The following CCDC7 variants were observed in gnomAD, a reference collection of about 807,000 sequenced individuals.
CCDC7 encodes the protein coiled-coil domain containing 7.
CCDC7 carries 183 observed loss-of-function variants against 196.9 expected under a neutral mutation model. That is an observed-to-expected ratio of 0.93 (90% CI 0.82 to 1.05). The LOEUF is 1.05. Among genes scored for constraint, CCDC7 ranks in the 50% least tolerant of loss-of-function variants. CCDC7 has a pLI of 0.00. For synonymous variants in CCDC7, 525 were observed against 484.6 expected, an observed-to-expected ratio of 1.08 and a Z score of -1.10; for missense variants, 1,540 against 1,482.2, an observed-to-expected ratio of 1.04 and a Z score of -0.64.
At chr10:32,836,272 T>A (rs188776943) in intron 33 of CCDC7, among the ~76,000 whole-genome samples, 104 of 152,186 alleles carry the variant, frequency 6.8e-4, no homozygotes, top group African/African-American at 2.2e-3. Context: ...AATATTAGAA[T>A]CTTCTTGTTG....
At chr10:32,583,336 GTTTA>G (rs2058923908) in intron 17 of CCDC7, 29 bp downstream of exon 18, 5 of 1,192,208 alleles carry the variant, frequency 4.2e-6, no homozygotes, top group Non-Finnish European at 4.2e-6. Context: ...CTTGAAAGCT[GTTTA>G]TTTCATATTG....
chr10:32,646,489 A>G (rs566808937), intron 20 of CCDC7, among the ~76,000 whole-genome samples: 1 of 152,258 alleles, frequency 6.6e-6, no homozygotes, highest in African/African-American at 2.4e-5. Flanking sequence ...AAGAATGTAT[A>G]TTCTCTAGCT....
intron 20 of CCDC7, among the ~76,000 whole-genome samples, chr10:32,650,976 G>A (rs575332917): frequency 1.2e-4 from 19 of 152,320 alleles, no homozygotes; most frequent in African/African-American, 4.6e-4. Flanking sequence ...GTCCCACAGA[G>A]AAGCACAACC....
chr10:32,616,242 T>A (rs1389492284), intron 18 of CCDC7, among the ~76,000 whole-genome samples: 1 of 152,086 alleles, frequency 6.6e-6, no homozygotes, highest in South Asian at 2.1e-4. Context: ...TGCTGATTAC[T>A]TTGGGTAGTA....
intron 32 of CCDC7, among the ~76,000 whole-genome samples, chr10:32,828,001 T>G (rs2091405878): frequency 1.3e-5 from 2 of 152,174 alleles, no homozygotes; most frequent in Admixed American, 1.3e-4. Context: ...CTCTAAAGGC[T>G]GCTACCTGTG....
At chr10:32,469,389 G>A (rs1167919094) in intron 5 of CCDC7, among the ~76,000 whole-genome samples, 3 of 152,196 alleles carry the variant, frequency 2.0e-5, no homozygotes, top group South Asian at 2.1e-4. Flanking sequence ...TCCCAGCAAC[G>A]CAGGGCTAAG....
At chr10:32,678,018 G>A (rs2075299682) in intron 21 of CCDC7, among the ~76,000 whole-genome samples, 1 of 151,918 alleles carries the variant, frequency 6.6e-6, no homozygotes, top group South Asian at 2.1e-4. Flanking sequence ...AAATTTTTCA[G>A]TTTATCCATT....
chr10:32,868,653 G>C (rs900077578), intron 41 of CCDC7, among the ~76,000 whole-genome samples: 1 of 151,694 alleles, frequency 6.6e-6, no homozygotes, highest in Admixed American at 6.6e-5. Context: ...GTGCCATGTT[G>C]GTGTGCTGCA....
At chr10:32,638,808 C>G (rs2066154486) in intron 20 of CCDC7, among the ~76,000 whole-genome samples, 1 of 152,140 alleles carries the variant, frequency 6.6e-6, no homozygotes, top group African/African-American at 2.4e-5. Flanking sequence ...AGGAATGGTA[C>G]CAGCTTCTCC....
intron 9 of CCDC7, among the ~76,000 whole-genome samples, chr10:32,507,314 A>G (rs1245213346): frequency 6.6e-6 from 1 of 151,384 alleles, no homozygotes; most frequent in African/African-American, 2.4e-5. Context: ...AGTTTTTGTG[A>G]GTCTCTTGTG....
rs187055786 is a variant in CCDC7, at chr10:32,708,009, G to A, written c.2459-3611G>A. On this transcript the variant is annotated intron_variant, in intron 24 of 41. Coordinates refer to ENST00000639629, the Ensembl canonical transcript of CCDC7. Reference sequence around the variant, plus strand: ...ATGAAACCAAAAAAGAGCCCGCATCGCCGAGACAATCCTAAGTCAAAAGAA... The same window carrying A: ...ATGAAACCAAAAAAGAGCCCGCATCACCGAGACAATCCTAAGTCAAAAGAA... 3.2e-3 allele frequency among the ~76,000 whole-genome samples: 481 copies of A among 152,136 alleles called. 3 individuals carry two copies. Among genetic ancestry groups the A allele is most frequent in the South Asian group, 8.8e-3 (42 of 4,798 alleles).
At chr10:32,498,297 T>G (rs1189617274) in intron 9 of CCDC7, among the ~76,000 whole-genome samples, 2 of 151,958 alleles carry the variant, frequency 1.3e-5, no homozygotes, top group Non-Finnish European at 2.9e-5. Context: ...GCATGTGAGA[T>G]GGTCTCCTGC....
intron 24 of CCDC7, among the ~76,000 whole-genome samples, chr10:32,708,228 T>C (rs1346652852): frequency 2.0e-5 from 3 of 152,302 alleles, no homozygotes; most frequent in Non-Finnish European, 4.4e-5. Context: ...GGGAAAGGAT[T>C]CCCTATTTAA....
At chr10:32,769,423 T>C (rs1051686670) in intron 28 of CCDC7, among the ~76,000 whole-genome samples, 1 of 152,306 alleles carries the variant, frequency 6.6e-6, no homozygotes, top group African/African-American at 2.4e-5. Flanking sequence ...TATCAATTTT[T>C]AAAAATCTTT....
At chr10:32,666,556 G>A (rs1358513671) in intron 21 of CCDC7, among the ~76,000 whole-genome samples, 1 of 137,902 alleles carries the variant, frequency 7.3e-6, no homozygotes, top group East Asian at 2.1e-4. Flanking sequence ...GCCCCAGTGT[G>A]TGATGTTCCC....
intron 8 of CCDC7, among the ~76,000 whole-genome samples, chr10:32,488,268 G>A (rs1410355378): frequency 6.6e-6 from 1 of 152,192 alleles, no homozygotes; most frequent in Non-Finnish European, 1.5e-5. Flanking sequence ...CTCCGTGGGC[G>A]CAGGACCCTC....
At chr10:32,665,996 AGT>A (rs1257321648) in intron 21 of CCDC7, among the ~76,000 whole-genome samples, 1 of 151,886 alleles carries the variant, frequency 6.6e-6, no homozygotes, top group Non-Finnish European at 1.5e-5. Context: ...TTTTTCAGAC[AGT>A]TCATTGTTAG....
At chr10:32,497,514 C>A (rs578070992) in intron 9 of CCDC7, among the ~76,000 whole-genome samples, 2 of 152,282 alleles carry the variant, frequency 1.3e-5, no homozygotes, top group Non-Finnish European at 2.9e-5. Context: ...TGCCTTCTTT[C>A]TCTTGTGGGC....
chr10:32,768,621 TTG>T (rs2078687246), intron 28 of CCDC7, among the ~76,000 whole-genome samples: 1 of 152,180 alleles, frequency 6.6e-6, no homozygotes, highest in Admixed American at 6.6e-5. Flanking sequence ...CTTTTAACTT[TTG>T]TGTGTTTAGT....
Sources: allele counts gnomAD v4.1 joint callset (sites outside exome capture counted in the v4.1 genomes callset), GRCh38; gene constraint gnomAD v4.1.1; transcripts MANE v1.5; gene names NCBI Gene and HGNC (gene_info 2026-07-23, HGNC 2026-07-21).